The following U2SURP variants were observed in gnomAD, a reference collection of about 807,000 sequenced individuals.
U2SURP encodes U2 snRNP-associated SURP motif-containing protein.
A neutral mutation model predicts 144.9 loss-of-function variants in U2SURP; 9 were observed. The observed-to-expected ratio is 0.06, with a 90% CI of 0.04 to 0.11. U2SURP has a LOEUF of 0.11. Among genes scored for constraint, U2SURP ranks in the 10% least tolerant of loss-of-function variants. The probability of loss-of-function intolerance (pLI) is 1.00; values close to 1 mark genes in which losing one functional copy is unlikely to be tolerated. For missense variants in U2SURP, 724 were observed against 1,226.7 expected (o/e 0.59, Z 6.12); for synonymous variants, 408 against 396.8 (o/e 1.03, Z -0.33).
At chr3:143,047,962 T>C (rs1463012513) in intron 24 of U2SURP, among the ~76,000 whole-genome samples, 2 of 151,986 alleles carry the variant, frequency 1.3e-5, no homozygotes, top group Admixed American at 1.3e-4. Context: ...GTGCCTAGGC[T>C]GGAGTTTCCT....
In U2SURP at chr3:143,016,915, T is replaced by G; in HGVS notation, c.510T>G (p.Pro170=). ...CAAGATTTGCAGATCAAAAAAATCC[T>G]CCAAATCAGTCTTCCAATGAAAGAC... ...PSSRFADQKN[P]PNQSSNERPP... The change falls in exon 6 of 28, where the codon CCT becomes CCG. Residue 170 remains proline (P), a synonymous_variant. Coordinates refer to ENST00000473835, the MANE Select transcript of U2SURP (RefSeq NM_001080415.2). The G allele has an allele frequency of 6.3e-7, 1 of 1,596,126 alleles. No homozygotes were observed. Among genetic ancestry groups the G allele is most frequent in the Non-Finnish European group, 8.5e-7 (1 of 1,173,658 alleles).
Position 143,004,555 on chromosome 3 carries a change from T to TTGCCA in U2SURP, c.45+2882_45+2883insTGCCA, listed in dbSNP as rs1935725186. Among the ~76,000 whole-genome samples, 5 of 96,770 alleles carry TTGCCA rather than the reference T, an allele frequency of 5.2e-5. No homozygotes were observed. In the Admixed American group the frequency reaches 5.3e-4, roughly 10 times the overall value. 63.5% of individuals were successfully genotyped at this position (96,770 alleles called of 152,430 possible). A position where few individuals can be genotyped will look rare whatever the true frequency, so the allele number is the denominator to read the frequency against. ...TTAGTAGAGATGGGGTTTCATCTGT[T>TTGCCA]GGCCTCTTGACCTTGTGACCCCCCC... is the stretch of plus-strand genomic sequence containing the variant. On this transcript the variant is annotated intron_variant, in intron 1 of 27. Coordinates refer to ENST00000473835, the MANE Select transcript of U2SURP (RefSeq NM_001080415.2).
At chr3:143,012,136 T>G in intron 2 of U2SURP, 86 bp from the exon 3 acceptor site, 1 of 1,480,030 alleles carries the variant, frequency 6.8e-7, no homozygotes, top group Non-Finnish European at 9.3e-7. Flanking sequence ...TTTGTCAATA[T>G]CTGGCATGGC....
chr3:143,045,899 G>A (rs1226061599), intron 24 of U2SURP, among the ~76,000 whole-genome samples: 2 of 152,180 alleles, frequency 1.3e-5, no homozygotes, highest in Non-Finnish European at 2.9e-5. Context: ...ACAACAGGTG[G>A]CAAACTTGGA....
At chr3:143,017,063 T>C in intron 6 of U2SURP, 88 bp downstream of exon 6, 7 of 1,381,556 alleles carry the variant, frequency 5.1e-6, no homozygotes, top group Non-Finnish European at 6.6e-6. Context: ...TTGGCTTTTT[T>C]TCGTTTTTGG....
intron 19 of U2SURP, 29 bp downstream of exon 19, chr3:143,035,004 C>A: frequency 2.8e-6 from 3 of 1,077,510 alleles, no homozygotes; most frequent in East Asian, 3.0e-5. Flanking sequence ...TATTTTTGCC[C>A]TAGTGTTTTA....
chr3:143,035,670 A>G (rs1404975360), intron 19 of U2SURP, among the ~76,000 whole-genome samples: 3 of 152,282 alleles, frequency 2.0e-5, no homozygotes, highest in African/African-American at 4.8e-5. Context: ...GTAAGTTTCT[A>G]TGTAAGTGTT....
chr3:143,002,388 C>T (rs777297823), intron 1 of U2SURP: 3 of 152,216 alleles, frequency 2.0e-5, no homozygotes, highest in Non-Finnish European at 2.9e-5. Context: ...TAGTAAATTG[C>T]ATTTGTGTTT....
chr3:143,025,966 T>A (rs1449767522), intron 13 of U2SURP: 1 of 152,202 alleles, frequency 6.6e-6, no homozygotes, highest in Non-Finnish European at 1.5e-5. Flanking sequence ...TATATTTATT[T>A]ACATTCTAGC....
At position 143,020,636 on chromosome 3, in the gene U2SURP, G is replaced by A; in HGVS notation, c.676G>A (p.Gly226Ser). Residue 226 changes from glycine (G) to serine (S), a missense_variant, in exon 8 of 28, where the codon GGC becomes AGC. Physicochemically the swap from Gly to Ser is moderately conservative, Grantham distance 56 (BLOSUM62 0). Coordinates refer to ENST00000473835, the MANE Select transcript of U2SURP (RefSeq NM_001080415.2). The stretch of plus-strand genomic sequence containing the variant: ...ACGTGATGAGAGACATAAAACAAAA[G>A]GCAGATTAAGTCGATTTGAACCTCC... The part of the protein sequence containing the change: ...EERDERHKTK[G>S]RLSRFEPPQS... 1.2e-6 allele frequency: 2 copies of A among 1,613,050 alleles called. No homozygotes were observed. The highest frequency in any genetic ancestry group is 1.7e-6 in the Non-Finnish European group (2 of 1,179,482).
intron 13 of U2SURP, chr3:143,026,266 G>C (rs1560187671): frequency 6.6e-6 from 1 of 152,080 alleles, no homozygotes; most frequent in Non-Finnish European, 1.5e-5. Context: ...TAAAATGACT[G>C]TACTAAAAAA....
chr3:143,044,045 A>G (rs1226534549), intron 24 of U2SURP, among the ~76,000 whole-genome samples: 6 of 151,878 alleles, frequency 4.0e-5, no homozygotes, highest in Admixed American at 3.9e-4. Flanking sequence ...CAGCCACCAC[A>G]CCCGGCAAGA....
chr3:143,024,150 G>A (rs1353717446), intron 13 of U2SURP, 132 bp downstream of exon 13: 1 of 782,850 alleles, frequency 1.3e-6, no homozygotes, highest in South Asian at 1.7e-5. Flanking sequence ...TTTTTGCGGG[G>A]GGATGTGTGA....
chr3:143,034,655 G>A (rs1933711854), intron 18 of U2SURP: 2 of 324,580 alleles, frequency 6.2e-6, no homozygotes, highest in Non-Finnish European at 1.1e-5. Context: ...TTTCTTGCTC[G>A]TAAAGGGAAC....
intron 24 of U2SURP, 135 bp from the exon 25 acceptor site, chr3:143,050,804 C>G (rs1934817316): frequency 2.8e-5 from 16 of 566,836 alleles, no homozygotes; most frequent in Non-Finnish European, 4.4e-5. Context: ...ACTTGTCTGA[C>G]AAGTGGCCTT....
chr3:143,016,410 G>T (rs757125194), intron 5 of U2SURP, 39 bp downstream of exon 5: 1 of 1,550,478 alleles, frequency 6.4e-7, no homozygotes, highest in Non-Finnish European at 8.8e-7. Context: ...AAGCATAACT[G>T]TATTACAGTT....
intron 20 of U2SURP, 35 bp downstream of exon 20, chr3:143,036,139 A>G (rs887412064): frequency 6.4e-7 from 1 of 1,558,928 alleles, no homozygotes; most frequent in Non-Finnish European, 8.6e-7. Context: ...TGTTTTTAAA[A>G]TTCGTTTCTG....
intron 27 of U2SURP, among the ~76,000 whole-genome samples, 179 bp downstream of exon 27, chr3:143,055,298 A>G (rs1177866297): frequency 6.6e-6 from 1 of 151,404 alleles, no homozygotes; most frequent in African/African-American, 2.4e-5. Flanking sequence ...AATCTCTTTC[A>G]TGACTGAAGT....
At chr3:143,040,522 T>C (rs924656718) in intron 23 of U2SURP, among the ~76,000 whole-genome samples, 3 of 151,894 alleles carry the variant, frequency 2.0e-5, no homozygotes, top group African/African-American at 7.2e-5. Flanking sequence ...TTATTATATT[T>C]TGTGGCAATA....
Sources: gnomAD v4.1 joint callset for allele counts (sites outside exome capture counted in the v4.1 genomes callset) on GRCh38, gnomAD v4.1.1 for gene constraint, MANE v1.5 for transcripts, NCBI Gene and HGNC (gene_info 2026-07-23, HGNC 2026-07-21) for gene names.